TRPM7: variants seen among roughly 807,000 people sequenced by gnomAD.
TRPM7 encodes LTRPC ion channel family member 7.
Under a neutral mutation model 229.7 loss-of-function variants are expected in TRPM7, and 134 were observed. That is an observed-to-expected ratio of 0.58 (90% CI 0.51 to 0.67). TRPM7 has a LOEUF of 0.67. Ranked by LOEUF, TRPM7 falls within the 30% of genes least tolerant of loss-of-function variation. The probability of loss-of-function intolerance (pLI) is 0.00; values close to 1 mark genes in which losing one functional copy is unlikely to be tolerated. For missense variants in TRPM7, 1,901 were observed against 2,210.0 expected (o/e 0.86, Z 2.80); for synonymous variants, 699 against 715.2 (o/e 0.98, Z 0.36).
At chr15:50,597,811 C>A (rs1463513905) in intron 22 of TRPM7, among the ~76,000 whole-genome samples, 7 of 152,010 alleles carry the variant, frequency 4.6e-5, no homozygotes, top group African/African-American at 1.7e-4. Context: ...CCCAGCTACT[C>A]CAGAGGCTGA....
intron 21 of TRPM7, among the ~76,000 whole-genome samples, chr15:50,603,559 G>A (rs570635339): frequency 3.3e-5 from 5 of 151,682 alleles, no homozygotes; most frequent in East Asian, 1.9e-4. Context: ...GAGAACATGC[G>A]GTGTTTGGTT....
chr15:50,576,876 G>A (rs1412045146), intron 31 of TRPM7, among the ~76,000 whole-genome samples: 1 of 152,180 alleles, frequency 6.6e-6, no homozygotes, highest in East Asian at 1.9e-4. Context: ...GGAGGCTGAG[G>A]TGGAAAGACT....
intron 36 of TRPM7, among the ~76,000 whole-genome samples, chr15:50,573,456 G>A (rs1331797216): frequency 1.3e-5 from 2 of 152,244 alleles, no homozygotes; most frequent in Admixed American, 6.5e-5. Context: ...CTCCAGTCAA[G>A]CTGTTCAATG....
rs995806216 is a variant in TRPM7 at position 50,686,729 on chromosome 15, C to G, written c.-196G>C. ...GCCGAGTCTTTCATAATTGTGCGAC[C>G]AACTCCTCCGGGTGACTGGCCACAG... On this transcript the variant is annotated 5_prime_UTR_variant, in exon 1 of 39. Transcript: ENST00000646667. 2 of 677,088 alleles carry G rather than the reference C, an allele frequency of 3.0e-6. No homozygotes were observed. Among genetic ancestry groups the G allele is most frequent in the Non-Finnish European group, 4.7e-6 (2 of 428,852 alleles). 41.9% of individuals were successfully genotyped at this position (677,088 alleles called of 1,614,324 possible).
At chr15:50,663,223 G>T (rs1279929192) in intron 1 of TRPM7, among the ~76,000 whole-genome samples, 177 bp from the exon 2 acceptor site, 1 of 151,852 alleles carries the variant, frequency 6.6e-6, no homozygotes, top group Non-Finnish European at 1.5e-5. Flanking sequence ...CCGCCTCCCG[G>T]GTTCAAGTGA....
chr15:50,586,027 T>C (rs1369439721), intron 28 of TRPM7, among the ~76,000 whole-genome samples: 1 of 152,146 alleles, frequency 6.6e-6, no homozygotes, highest in South Asian at 2.1e-4. Context: ...TATTTTAATT[T>C]TGAACCAAAA....
At chr15:50,571,948 A>G (rs3105590) in intron 36 of TRPM7, among the ~76,000 whole-genome samples, 52,258 of 152,074 alleles carry the variant, frequency 0.34, 10,354 homozygotes, top group Admixed American at 0.48. Flanking sequence ...AATGTTATCA[A>G]ATGGCACTGC....
At chr15:50,632,131 C>T (rs114588787) in intron 9 of TRPM7, among the ~76,000 whole-genome samples, 2,205 of 151,980 alleles carry the variant, frequency 0.015, 58 homozygotes, top group African/African-American at 0.051. Context: ...AGTGAAACAC[C>T]GCCTCTAGTC....
At chr15:50,581,070 T>C (rs1028595878) in intron 29 of TRPM7, among the ~76,000 whole-genome samples, 162 bp from the exon 30 acceptor site, 3 of 152,218 alleles carry the variant, frequency 2.0e-5, no homozygotes, top group Admixed American at 6.5e-5. Flanking sequence ...TTATTATAAC[T>C]GTATTTACTG....
intron 31 of TRPM7, among the ~76,000 whole-genome samples, chr15:50,578,245 G>A (rs886074522): frequency 2.6e-5 from 4 of 152,212 alleles, no homozygotes; most frequent in Non-Finnish European, 5.9e-5. Context: ...GCAGCAGTGG[G>A]ATGTATAGTG....
chr15:50,585,884 A>C (rs772979147), intron 28 of TRPM7, among the ~76,000 whole-genome samples: 1 of 152,202 alleles, frequency 6.6e-6, no homozygotes. Context: ...ATTGTCTGTG[A>C]CCTTTTGTGT....
intron 13 of TRPM7, among the ~76,000 whole-genome samples, chr15:50,619,265 G>A (rs2060320695): frequency 6.7e-6 from 1 of 148,566 alleles, no homozygotes; most frequent in Non-Finnish European, 1.5e-5. Flanking sequence ...CTGTCACCCA[G>A]GCTGGAATGC....
At chr15:50,577,070 CCACTGCACTCCAACCTGGTGA>C (rs1295131917) in intron 31 of TRPM7, among the ~76,000 whole-genome samples, 1 of 151,804 alleles carries the variant, frequency 6.6e-6, no homozygotes, top group Non-Finnish European at 1.5e-5. Context: ...AAAGTCTGTG[CCACTGCACTCCAACCTGGTGA>C]CAGAGAGATC....
intron 38 of TRPM7, among the ~76,000 whole-genome samples, chr15:50,568,679 C>A (rs2053727422): frequency 6.6e-6 from 1 of 151,944 alleles, no homozygotes; most frequent in South Asian, 2.1e-4. Flanking sequence ...GTGGGACTTT[C>A]AAAAATACAC....
chr15:50,561,929 T>C (rs2053332572), intron 38 of TRPM7, 121 bp from the exon 39 acceptor site: 1 of 1,047,444 alleles, frequency 9.5e-7, no homozygotes, highest in Non-Finnish European at 1.3e-6. Context: ...AGTTTCGCTC[T>C]TGTTGCCCAA....
At position 50,580,914 on chromosome 15, in the gene TRPM7, G is replaced by A. The variant is rs779438373; in HGVS notation, c.4558-6C>T. 1 of 1,570,068 alleles carries A rather than the reference G, an allele frequency of 6.4e-7. No homozygotes were observed. The highest frequency in any genetic ancestry group is 8.6e-7 in the Non-Finnish European group (1 of 1,166,356). Reference sequence around the variant, plus strand: ...GGTCTATCTTGTAACCAATCCTTCAGTAAAAAAAAAACACACACACACAAA... The same window carrying A: ...GGTCTATCTTGTAACCAATCCTTCAATAAAAAAAAAACACACACACACAAA... On this transcript the variant is annotated splice_polypyrimidine_tract_variant and splice_region_variant and intron_variant, in intron 29 of 38. Transcript: ENST00000646667.
At chr15:50,654,550 A>T (rs1312340216) in intron 3 of TRPM7, among the ~76,000 whole-genome samples, 1 of 151,308 alleles carries the variant, frequency 6.6e-6, no homozygotes, top group Admixed American at 6.6e-5. Flanking sequence ...GTAGACAAAG[A>T]CTCTAATGCA....
chr15:50,657,241 T>A (rs1347173372), intron 3 of TRPM7, among the ~76,000 whole-genome samples: 1 of 152,132 alleles, frequency 6.6e-6, no homozygotes, highest in Non-Finnish European at 1.5e-5. Context: ...GGAGAATTGC[T>A]TGAACCCATG....
chr15:50,575,283 T>C (rs1020748879), intron 33 of TRPM7, 148 bp from the exon 34 acceptor site: 1 of 602,078 alleles, frequency 1.7e-6, no homozygotes, highest in South Asian at 3.0e-5. Flanking sequence ...TTAATAGCAA[T>C]AGGTAAGAAA....
Sources: allele counts gnomAD v4.1 joint callset (sites outside exome capture counted in the v4.1 genomes callset), GRCh38; gene constraint gnomAD v4.1.1; transcripts MANE v1.5; gene names NCBI Gene and HGNC (gene_info 2026-07-23, HGNC 2026-07-21).